Variants in PITRM1 observed in about 807,000 individuals in gnomAD.
PITRM1 encodes the protein pitrilysin metallopeptidase 1.
In PITRM1, 100 loss-of-function variants were observed where a neutral mutation model predicts 129.9. That is an observed-to-expected ratio of 0.77 (90% CI 0.65 to 0.91). PITRM1 has a LOEUF of 0.91. Among genes scored for constraint, PITRM1 ranks in the 40% least tolerant of loss-of-function variants. The pLI is 0.00. For synonymous variants in PITRM1, 591 were observed against 508.8 expected, an observed-to-expected ratio of 1.16 and a Z score of -2.17; for missense variants, 1,471 against 1,318.3, an observed-to-expected ratio of 1.12 and a Z score of -1.79.
chr10:3,146,885 C>T (rs2132390828), intron 20 of PITRM1: 1 of 267,362 alleles, frequency 3.7e-6, no homozygotes, highest in Non-Finnish European at 7.1e-6. Flanking sequence ...AGTTACGGAC[C>T]ATGTGCTTTT....
rs200446212 is a variant in PITRM1 at position 3,163,827 on chromosome 10, G to A, written c.689C>T (p.Thr230Met). 139 of 1,610,308 alleles carry A rather than the reference G, an allele frequency of 8.6e-5. No individual in the cohort carries two copies. Among genetic ancestry groups the A allele is most frequent in the Non-Finnish European group, 1.1e-4 (132 of 1,176,938 alleles). ...HLQNRLLPDH[T>M]YSVVSGGDPL... ...GTCACCCCCGGAGACCACTGAGTAC[G>A]TGTGGTCAGGAAGAAGTCTGTTCTG... is the stretch of plus-strand genomic sequence containing the variant. The change falls in exon 7 of 27, where the codon ACG becomes ATG. Residue 230 changes from threonine (T) to methionine (M), a missense_variant. Transcript: ENST00000224949.
At chr10:3,157,114 C>G in intron 12 of PITRM1, 50 bp from the exon 13 acceptor site, 1 of 1,542,734 alleles carries the variant, frequency 6.5e-7, no homozygotes, top group South Asian at 1.2e-5. Flanking sequence ...CACAGTACAA[C>G]CTCCACCAAC....
intron 7 of PITRM1, among the ~76,000 whole-genome samples, chr10:3,162,552 C>T (rs1232700532): frequency 6.6e-6 from 1 of 152,206 alleles, no homozygotes; most frequent in Non-Finnish European, 1.5e-5. Context: ...TGACTCTCAG[C>T]ATGGACCCCG....
chr10:3,166,180 T>C (rs1842843423), intron 4 of PITRM1, 49 bp downstream of exon 4: 1 of 1,468,186 alleles, frequency 6.8e-7, no homozygotes, highest in Non-Finnish European at 9.1e-7. Context: ...TTCCAGTGGG[T>C]GTGCCTGGCA....
chr10:3,140,800 A>G lies in PITRM1; in HGVS notation c.2658T>C (p.Leu886=). The change falls in exon 24 of 27, where the codon CTT becomes CTC. Residue 886 remains leucine (L), a synonymous_variant. Transcript: ENST00000224949. ...TDPDHASLKI[L]ARLMTAKFLH... ...AGAATTTGGCAGTCATCAAACGTGC[A>G]AGGATTTTAAGACTGAAATGATTAA... is the stretch of plus-strand genomic sequence containing the variant. The G allele has an allele frequency of 6.3e-7, 1 of 1,582,514 alleles. No individual in the cohort carries two copies. The highest frequency in any genetic ancestry group is 8.6e-7 in the Non-Finnish European group (1 of 1,162,628).
intron 15 of PITRM1, among the ~76,000 whole-genome samples, chr10:3,150,287 G>C (rs982954193): frequency 8.5e-5 from 13 of 152,162 alleles, no homozygotes; most frequent in African/African-American, 3.1e-4. Context: ...CCAAGGTGCG[G>C]AAGGATGACT....
At position 3,137,901 on chromosome 10, in the gene PITRM1, G is replaced by C. The variant is rs747089612; in HGVS notation, c.*130C>G. On this transcript the variant is annotated 3_prime_UTR_variant, in exon 27 of 27. Transcript: ENST00000224949. ...TAAGATAGATCTGAGTTTTTGACTC[G>C]CCAGTCAAGGGCTTTGGCGACACTC... 1 of 624,198 alleles carries C rather than the reference G, an allele frequency of 1.6e-6. No individual in the cohort carries two copies. The highest frequency in any genetic ancestry group is 2.8e-6 in the Non-Finnish European group (1 of 353,312). 38.7% of individuals were successfully genotyped at this position (624,198 alleles called of 1,614,324 possible).
chr10:3,155,678 C>G lies in PITRM1; in HGVS notation c.1534G>C (p.Glu512Gln), dbSNP rs773428568. ...LSMRPDDKYH[E>Q]KQAQVEATKL... ...GTGGCTTCCACCTGTGCCTGCTTCT[C>G]GTGATACTTGTCATCTGGCCTCATC... The change falls in exon 14 of 27, where the codon GAG becomes CAG. Residue 512 changes from glutamate (E) to glutamine (Q), a missense_variant. Physicochemically the swap from Glu to Gln is conservative, Grantham distance 29 (BLOSUM62 2). Transcript: ENST00000224949. 43 of 1,613,788 alleles carry G rather than the reference C, an allele frequency of 2.7e-5. No homozygotes were observed. The highest frequency in any genetic ancestry group is 2.2e-4 in the South Asian group (20 of 91,080).
At chr10:3,141,082 C>T (rs905340760) in intron 23 of PITRM1, among the ~76,000 whole-genome samples, 2 of 152,198 alleles carry the variant, frequency 1.3e-5, no homozygotes, top group Non-Finnish European at 2.9e-5. Flanking sequence ...GCTGGGCCTA[C>T]AGGTGTGTGC....
Position 3,147,586 on chromosome 10 carries a change from T to C in PITRM1, c.2221A>G (p.Ser741Gly), listed in dbSNP as rs576828226. ...AAGCTTCCCACCTGATCCATCCCGC[T>C]GAAGGTCTCCTGCAGGTCCCCTGCG... Reference protein sequence around the residue: ...TPAGDLQETFSGMDQVRLMKR... With the variant: ...TPAGDLQETFGGMDQVRLMKR... The change falls in exon 19 of 27, where the codon AGC becomes GGC. Residue 741 changes from serine to glycine, a missense_variant. Transcript: ENST00000224949. 1 of 1,613,924 alleles carries C rather than the reference T, an allele frequency of 6.2e-7. No homozygotes were observed. The highest frequency in any genetic ancestry group is 8.5e-7 in the Non-Finnish European group (1 of 1,179,898).
chr10:3,149,982 C>T (rs1841341756), intron 15 of PITRM1, among the ~76,000 whole-genome samples: 1 of 152,148 alleles, frequency 6.6e-6, no homozygotes, highest in African/African-American at 2.4e-5. Context: ...GATGGAACCA[C>T]GAACTTCTGG....
chr10:3,165,286 C>T lies in PITRM1; in HGVS notation c.582G>A (p.Thr194=), dbSNP rs757649605. 2.2e-5 allele frequency: 35 copies of T among 1,586,598 alleles called. 1 individual carries two copies. Among genetic ancestry groups the T allele is most frequent in the Admixed American group, 1.6e-4 (9 of 55,642 alleles). ...LEHENPSDPQ[T]PLVFKGVVFN... ...AGACGACTCCTTTAAAGACCAAGGG[C>T]GTCTGGGGGTCGCTCGGATTCTCAT... Residue 194 remains threonine (T), a synonymous_variant, in exon 6 of 27, where the codon ACG becomes ACA. Transcript: ENST00000224949.
intron 14 of PITRM1, among the ~76,000 whole-genome samples, chr10:3,154,870 TCA>T (rs1392665541): frequency 1.3e-5 from 2 of 152,072 alleles, no homozygotes; most frequent in Non-Finnish European, 2.9e-5. Flanking sequence ...AATCCCCGTC[TCA>T]CTTTTCTTTT....
chr10:3,151,195 T>G lies in PITRM1; in HGVS notation c.1738+52A>C, dbSNP rs746762800. On this transcript the variant is annotated intron_variant, in intron 15 of 26. Coordinates refer to ENST00000224949, the MANE Select transcript of PITRM1 (RefSeq NM_014889.4). ...TACTGCTTCTGTGAGGAGTGACATT[T>G]AATTCCCCCAAGGAACCCGAGACCC... is the stretch of plus-strand genomic sequence containing the variant. 171 of 997,810 alleles carry G rather than the reference T, an allele frequency of 1.7e-4. 5 individuals carry two copies. The South Asian group carries it at 2.2e-3, about 13-fold the overall frequency. The allele number at this position is 997,810 out of a possible 1,614,324, so 61.8% of individuals were successfully genotyped here. A position where few individuals can be genotyped will look rare whatever the true frequency, so the allele number is the denominator to read the frequency against.
chr10:3,141,842 G>A (rs1840250633), intron 23 of PITRM1: 1 of 276,772 alleles, frequency 3.6e-6, no homozygotes, highest in Non-Finnish European at 7.5e-6. Flanking sequence ...TCTCGTGTGG[G>A]TCCTCCAGGA....
At chr10:3,143,054 A>G (rs990911523) in intron 23 of PITRM1, 1 of 231,376 alleles carries the variant, frequency 4.3e-6, no homozygotes, top group Admixed American at 5.4e-5. Flanking sequence ...CAGAAATCTC[A>G]GCCTAAATTC....
intron 24 of PITRM1, among the ~76,000 whole-genome samples, chr10:3,140,064 G>A (rs1323814330): frequency 6.6e-6 from 1 of 152,148 alleles, no homozygotes; most frequent in Non-Finnish European, 1.5e-5. Flanking sequence ...CAGCCACTAT[G>A]GATACTATGT....
intron 23 of PITRM1, among the ~76,000 whole-genome samples, 170 bp from the exon 24 acceptor site, chr10:3,140,982 G>A (rs1174526391): frequency 2.0e-5 from 3 of 152,056 alleles, no homozygotes; most frequent in African/African-American, 7.2e-5. Flanking sequence ...TCGCTCTGTC[G>A]CCAGGCTGGA....
Position 3,147,457 on chromosome 10 carries a change from G to T in PITRM1, c.2235+115C>A, listed in dbSNP as rs575484439. 6.6e-4 allele frequency: 812 copies of T among 1,225,172 alleles called. 7 individuals are homozygous for T. Among genetic ancestry groups the T allele is most frequent in the Middle Eastern group, 6.5e-3 (24 of 3,718 alleles). 75.9% of individuals were successfully genotyped at this position (1,225,172 alleles called of 1,614,324 possible). Reference sequence around the variant, plus strand: ...ACCAACCAATTCTTCCCCATATTTAGTCAGTTAGAAAGTTAGCATTTCTGG... The same window carrying T: ...ACCAACCAATTCTTCCCCATATTTATTCAGTTAGAAAGTTAGCATTTCTGG... On this transcript the variant is annotated intron_variant, in intron 19 of 26. Coordinates refer to ENST00000224949, the MANE Select transcript of PITRM1 (RefSeq NM_014889.4).
Sources: gnomAD v4.1 joint callset for allele counts (sites outside exome capture counted in the v4.1 genomes callset) on GRCh38, gnomAD v4.1.1 for gene constraint, MANE v1.5 for transcripts, NCBI Gene and HGNC (gene_info 2026-07-23, HGNC 2026-07-21) for gene names.